Variants in IFT122 observed in about 807,000 individuals in gnomAD.
IFT122 encodes intraflagellar transport protein 122 homolog.
IFT122 carries 118 observed loss-of-function variants against 161.6 expected under a neutral mutation model. The observed-to-expected ratio is 0.73, with a 90% CI of 0.63 to 0.85. IFT122 has a LOEUF of 0.85. Among genes scored for constraint, IFT122 ranks in the 40% least tolerant of loss-of-function variants. The pLI, the probability that IFT122 is intolerant of heterozygous loss-of-function variation, is 0.00. For synonymous variants in IFT122, 550 were observed against 602.4 expected (o/e 0.91, Z 1.27); for missense variants, 1,381 against 1,579.6 (o/e 0.87, Z 2.13).
At chr3:129,471,504 A>C (rs1182512452) in intron 9 of IFT122, among the ~76,000 whole-genome samples, 3 of 152,164 alleles carry the variant, frequency 2.0e-5, no homozygotes, top group African/African-American at 7.2e-5. Flanking sequence ...ACAAATAACC[A>C]CACTGCAGTG....
rs192892515 is a variant in IFT122, at chr3:129,473,204, G to A, written c.817-3111G>A. ...TTGTCCTAACAACTCTGTAGGCTGA[G>A]GTGGGAGTATTCTCAAGCTGAGGAG... On this transcript the variant is annotated intron_variant, in intron 9 of 29. Transcript: ENST00000348417. Among the ~76,000 whole-genome samples the A allele has an allele frequency of 3.3e-3, 510 of 152,296 alleles. 3 individuals are homozygous for A. The highest frequency in any genetic ancestry group is 6.8e-3 in the Middle Eastern group (2 of 294).
chr3:129,481,896 C>G (rs371139260), intron 14 of IFT122, among the ~76,000 whole-genome samples: 1 of 152,248 alleles, frequency 6.6e-6, no homozygotes, highest in Non-Finnish European at 1.5e-5. Flanking sequence ...GGGCCTGGAC[C>G]GGCCTCTTTA....
At chr3:129,465,465 CTTTTTTTTTTTTT>C (rs61439083) in intron 7 of IFT122, among the ~76,000 whole-genome samples, 12 of 101,240 alleles carry the variant, frequency 1.2e-4, no homozygotes, top group East Asian at 9.6e-4. Flanking sequence ...ATTATATGCT[CTTTTTTTTTTTTT>C]TTTTTTTTTT....
rs769014449 is a variant in IFT122 at position 129,469,399 on chromosome 3, C to T, written c.798C>T (p.Tyr266=). 4 of 1,613,788 alleles carry T rather than the reference C, an allele frequency of 2.5e-6. No individual in the cohort carries two copies. Among genetic ancestry groups the T allele is most frequent in the African/African-American group, 2.7e-5 (2 of 75,034 alleles). The stretch of plus-strand genomic sequence containing the variant: ...ACTGGGGACAGAAAGTTTCCTTCTA[C>T]CAGCTGAGTGGAAAACAGGTATGTA... ...VADWGQKVSF[Y]QLSGKQIGKD... The change falls in exon 9 of 30, where the codon TAC becomes TAT. Residue 266 remains tyrosine (Y), a synonymous_variant. Transcript: ENST00000348417.
At chr3:129,471,498 A>G (rs369021690) in intron 9 of IFT122, among the ~76,000 whole-genome samples, 12 of 152,202 alleles carry the variant, frequency 7.9e-5, no homozygotes, top group African/African-American at 2.9e-4. Flanking sequence ...TTGGGAACAA[A>G]TAACCACACT....
At chr3:129,505,362 A>G (rs781080869) in intron 21 of IFT122, among the ~76,000 whole-genome samples, 3 of 152,214 alleles carry the variant, frequency 2.0e-5, no homozygotes, top group Non-Finnish European at 4.4e-5. Flanking sequence ...CTCTGGACAC[A>G]TTGCAGAACA....
At chr3:129,512,270 T>C in intron 23 of IFT122, 42 bp from the exon 24 acceptor site, 1 of 1,408,068 alleles carries the variant, frequency 7.1e-7, no homozygotes, top group African/African-American at 1.4e-5. Context: ...CAGCAGCAGC[T>C]CTTGAAGAAC....
intron 3 of IFT122, among the ~76,000 whole-genome samples, chr3:129,456,836 A>T (rs925983670): frequency 6.6e-6 from 1 of 152,174 alleles, no homozygotes; most frequent in Non-Finnish European, 1.5e-5. Flanking sequence ...TAATCGCTTG[A>T]ACCCGGGAGT....
chr3:129,442,861 A>T (rs1452677113), intron 1 of IFT122, among the ~76,000 whole-genome samples: 2 of 152,152 alleles, frequency 1.3e-5, no homozygotes, highest in Non-Finnish European at 2.9e-5. Context: ...TTAAATTTAT[A>T]CTTTTAGGTT....
chr3:129,463,315 T>C, intron 5 of IFT122: 1 of 470,654 alleles, frequency 2.1e-6, no homozygotes, highest in South Asian at 2.1e-5. Flanking sequence ...CTACTCACCT[T>C]ACCTCCAGTT....
At position 129,476,323 on chromosome 3, in the gene IFT122, G is replaced by T. The variant is rs117517364; in HGVS notation, c.825G>T (p.Lys275Asn). 9.1e-4 allele frequency: 1,474 copies of T among 1,614,184 alleles called. 25 individuals are homozygous for T. In the East Asian group the frequency reaches 0.031, roughly 34 times the overall value. ...FYQLSGKQIG[K>N]DRALNFDPCC... ...GTGTTCTTTTTCCTCAGATTGGAAA[G>T]GATCGGGCACTGAACTTTGACCCCT... is the stretch of plus-strand genomic sequence containing the variant. The change falls in exon 10 of 30, where the codon AAG becomes AAT. Residue 275 changes from lysine to asparagine, a missense_variant. Physicochemically the swap from Lys to Asn is moderately conservative, Grantham distance 94. This residue lies in a region of IFT122 where 544 missense variants were observed against 648.0 expected (regional missense o/e 0.84). Coordinates refer to ENST00000348417, the MANE Select transcript of IFT122 (RefSeq NM_052989.3).
intron 25 of IFT122, chr3:129,514,785 C>A (rs1353938962): frequency 3.2e-6 from 2 of 624,464 alleles, no homozygotes; most frequent in Non-Finnish European, 5.7e-6. Flanking sequence ...CCGGCCTCAG[C>A]CCTCAGCCTG....
chr3:129,448,517 G>A (rs1329643537), intron 1 of IFT122, among the ~76,000 whole-genome samples: 1 of 152,110 alleles, frequency 6.6e-6, no homozygotes, highest in African/African-American at 2.4e-5. Flanking sequence ...ATGCAGTTGG[G>A]TTATTTACGT....
chr3:129,442,749 A>G (rs969935117), intron 1 of IFT122, among the ~76,000 whole-genome samples: 1 of 152,066 alleles, frequency 6.6e-6, no homozygotes, highest in Non-Finnish European at 1.5e-5. Flanking sequence ...CTGTTACTCT[A>G]CTTCTCATAA....
intron 4 of IFT122, among the ~76,000 whole-genome samples, chr3:129,459,059 G>A (rs559372462): frequency 6.6e-6 from 1 of 152,272 alleles, no homozygotes; most frequent in South Asian, 2.1e-4. Context: ...TACTATTGGG[G>A]ATCTGCCGTG....
chr3:129,479,725 G>T, intron 12 of IFT122, 60 bp from the exon 13 acceptor site: 1 of 1,606,294 alleles, frequency 6.2e-7, no homozygotes, highest in Non-Finnish European at 8.5e-7. Context: ...GATCTCCTTG[G>T]GGAGGTCTGG....
intron 17 of IFT122, among the ~76,000 whole-genome samples, chr3:129,493,880 CT>C (rs1250939219): frequency 2.0e-5 from 3 of 152,166 alleles, no homozygotes; most frequent in African/African-American, 7.2e-5. Context: ...TCCTCGTATG[CT>C]ATGAGCTGGG....
intron 16 of IFT122, among the ~76,000 whole-genome samples, chr3:129,490,431 C>G (rs748196480): frequency 2.0e-5 from 3 of 152,186 alleles, no homozygotes; most frequent in African/African-American, 7.2e-5. Flanking sequence ...GCAGGTTCCT[C>G]CCTATTCCCA....
At chr3:129,467,782 C>T (rs1427252993) in intron 8 of IFT122, among the ~76,000 whole-genome samples, 2 of 152,230 alleles carry the variant, frequency 1.3e-5, no homozygotes, top group African/African-American at 4.8e-5. Context: ...ACTTTCCAAA[C>T]TGTTTTACAT....
Sources: allele counts gnomAD v4.1 joint callset (sites outside exome capture counted in the v4.1 genomes callset), GRCh38; gene constraint gnomAD v4.1.1; regional missense constraint gnomAD v4.1.1; transcripts MANE v1.5; gene names NCBI Gene and HGNC (gene_info 2026-07-23, HGNC 2026-07-21).